Variants in POLN observed in about 807,000 individuals in gnomAD.
POLN encodes the protein DNA polymerase nu.
POLN carries 108 observed loss-of-function variants against 113.5 expected under a neutral mutation model. The ratio of observed to expected loss-of-function variants is 0.95; its 90% CI spans 0.81 to 1.12. The LOEUF is 1.12. Among genes scored for constraint, POLN ranks in the 50% most tolerant of loss-of-function variants. POLN has a pLI of 0.00. For missense variants in POLN, 1,097 were observed against 1,077.1 expected, an observed-to-expected ratio of 1.02 and a Z score of -0.26; for synonymous variants, 386 against 391.5, an observed-to-expected ratio of 0.99 and a Z score of 0.17.
At chr4:2,113,782 C>T (rs1731253172) in intron 19 of POLN, among the ~76,000 whole-genome samples, 1 of 151,470 alleles carries the variant, frequency 6.6e-6, no homozygotes. Flanking sequence ...TGCTTGAACC[C>T]AGGAGGCGGA....
At chr4:2,114,047 A>G (rs2108713854) in intron 19 of POLN, among the ~76,000 whole-genome samples, 2 of 151,480 alleles carry the variant, frequency 1.3e-5, no homozygotes, top group Admixed American at 1.3e-4. Context: ...CTATAGGCAC[A>G]CACGTCATGC....
intron 10 of POLN, 41 bp downstream of exon 10, chr4:2,174,650 C>G: frequency 6.6e-7 from 1 of 1,505,254 alleles, no homozygotes; most frequent in African/African-American, 1.4e-5. Flanking sequence ...ATGAAGAACC[C>G]TCTAGAAAAA....
chr4:2,112,750 G>A (rs1371593895), intron 19 of POLN, among the ~76,000 whole-genome samples: 1 of 152,192 alleles, frequency 6.6e-6, no homozygotes, highest in Non-Finnish European at 1.5e-5. Flanking sequence ...GTGCTGGAGA[G>A]GATGTGGAGC....
At chr4:2,214,418 C>T (rs1395391124) in intron 3 of POLN, among the ~76,000 whole-genome samples, 1 of 152,002 alleles carries the variant, frequency 6.6e-6, no homozygotes, top group African/African-American at 2.4e-5. Flanking sequence ...AAAATAAATG[C>T]ATTGGGAAAA....
intron 5 of POLN, among the ~76,000 whole-genome samples, chr4:2,199,440 A>G (rs1005689309): frequency 6.6e-5 from 10 of 152,190 alleles, no homozygotes; most frequent in Non-Finnish European, 1.2e-4. Flanking sequence ...AAATACATCA[A>G]CATCATTTGC....
intron 3 of POLN, among the ~76,000 whole-genome samples, chr4:2,219,905 A>G (rs1190090829): frequency 6.6e-6 from 1 of 152,114 alleles, no homozygotes; most frequent in East Asian, 1.9e-4. Flanking sequence ...GTGTCTCTGA[A>G]GTGATCCCGC....
chr4:2,216,997 C>T (rs1734128020), intron 3 of POLN, among the ~76,000 whole-genome samples: 1 of 152,152 alleles, frequency 6.6e-6, no homozygotes, highest in African/African-American at 2.4e-5. Context: ...GTCAACTGGC[C>T]AAGTCATCCT....
At position 2,210,792 on chromosome 4, in the gene POLN, G is replaced by T. The variant is rs369714072; in HGVS notation, c.213+2255C>A. ...AAAAATTAGCCGGGCATGATGGCATGCACCTGTAACCCCAGCTGCTTGGGA... is the reference window on the plus strand; with the variant it reads ...AAAAATTAGCCGGGCATGATGGCATTCACCTGTAACCCCAGCTGCTTGGGA... On this transcript the variant is annotated intron_variant, in intron 4 of 25. Coordinates refer to ENST00000511885, the MANE Select transcript of POLN (RefSeq NM_181808.4). 3.7e-4 allele frequency among the ~76,000 whole-genome samples: 55 copies of T among 149,574 alleles called. No homozygotes were observed. In the South Asian group the frequency reaches 0.011, roughly 29 times the overall value.
At chr4:2,179,137 T>TA (rs1402280425) in intron 8 of POLN, among the ~76,000 whole-genome samples, 171 bp downstream of exon 8, 1 of 152,214 alleles carries the variant, frequency 6.6e-6, no homozygotes, top group Non-Finnish European at 1.5e-5. Flanking sequence ...CACCTATCCT[T>TA]ATTCAACATC....
At chr4:2,146,824 G>A (rs527405315) in intron 16 of POLN, among the ~76,000 whole-genome samples, 4 of 152,270 alleles carry the variant, frequency 2.6e-5, no homozygotes, top group East Asian at 1.9e-4. Context: ...GAAGGCAGGC[G>A]AAAGCATGAG....
chr4:2,190,253 C>A (rs1051454113), intron 7 of POLN, among the ~76,000 whole-genome samples: 17 of 152,216 alleles, frequency 1.1e-4, no homozygotes, highest in Middle Eastern at 3.4e-3. Context: ...AGAAATAAAT[C>A]AACACATTTA....
In POLN at chr4:2,081,014, C is replaced by G. The variant is rs768468720; in HGVS notation, c.2331G>C (p.Lys777Asn). The G allele has an allele frequency of 1.9e-6, 3 of 1,613,868 alleles. No individual in the cohort carries two copies. Among genetic ancestry groups the G allele is most frequent in the East Asian group, 4.5e-5 (2 of 44,884 alleles). Residue 777 changes from lysine (K) to asparagine (N), a missense_variant, in exon 23 of 26, where the codon AAG becomes AAC. By Grantham distance (94) the Lys-to-Asn change is moderately conservative. Coordinates refer to ENST00000511885, the MANE Select transcript of POLN (RefSeq NM_181808.4). ...VVQGSAADLC[K>N]LAMIHVFTAV... ...CAGTGAAGACATGGATCATGGCCAG[C>G]TTGCAGAGGTCAGCAGCGGAGCCTA...
At chr4:2,200,625 C>A (rs1003920288) in intron 5 of POLN, among the ~76,000 whole-genome samples, 17 of 152,276 alleles carry the variant, frequency 1.1e-4, no homozygotes, top group African/African-American at 3.4e-4. Flanking sequence ...ACAATCATTA[C>A]AGCTCAGCTC....
intron 24 of POLN, among the ~76,000 whole-genome samples, 194 bp downstream of exon 24, chr4:2,075,258 G>T (rs1730248544): frequency 1.3e-5 from 2 of 152,232 alleles, no homozygotes; most frequent in Non-Finnish European, 2.9e-5. Context: ...GCCCACTTGG[G>T]CCTTTCAAGG....
At chr4:2,117,852 G>C (rs1731354139) in intron 19 of POLN, among the ~76,000 whole-genome samples, 1 of 152,164 alleles carries the variant, frequency 6.6e-6, no homozygotes, top group Non-Finnish European at 1.5e-5. Context: ...ACATGTAAGA[G>C]AGCAGTGAAG....
At chr4:2,155,754 C>A (rs958958011) in intron 16 of POLN, among the ~76,000 whole-genome samples, 3 of 151,608 alleles carry the variant, frequency 2.0e-5, no homozygotes, top group Non-Finnish European at 4.4e-5. Context: ...AGATTCAAAT[C>A]AATATTAATG....
intron 7 of POLN, among the ~76,000 whole-genome samples, chr4:2,179,672 C>G (rs1733085958): frequency 6.6e-6 from 1 of 152,124 alleles, no homozygotes; most frequent in South Asian, 2.1e-4. Flanking sequence ...CCCACATGGC[C>G]CGTCTCTGTG....
At position 2,093,813 on chromosome 4, in the gene POLN, A is replaced by G. The variant is rs781264700; in HGVS notation, c.2065+2038T>C. 8.2e-4 allele frequency among the ~76,000 whole-genome samples: 125 copies of G among 152,284 alleles called. 1 individual carries two copies. Among genetic ancestry groups the G allele is most frequent in the Admixed American group, 9.8e-4 (15 of 15,304 alleles). On this transcript the variant is annotated intron_variant, in intron 20 of 25. Transcript: ENST00000511885. The surrounding 1 kb of genome is among the most constrained non-coding windows in gnomAD (Gnocchi z 4.1). ...TCTTTAAAACAAAGTTTCTTAGTCT[A>G]TTTTCCAAAAACCATGTATACAATC... is the stretch of plus-strand genomic sequence containing the variant.
chr4:2,086,644 T>A (rs1377789268), intron 20 of POLN, among the ~76,000 whole-genome samples: 1 of 152,152 alleles, frequency 6.6e-6, no homozygotes, highest in Non-Finnish European at 1.5e-5. Flanking sequence ...GAATGAGGAA[T>A]CCATGAGAAC....
Sources: gnomAD v4.1 joint callset for allele counts (sites outside exome capture counted in the v4.1 genomes callset) on GRCh38, gnomAD v4.1.1 for gene constraint, Gnocchi (gnomAD v3.1) non-coding constraint, MANE v1.5 for transcripts, NCBI Gene and HGNC (gene_info 2026-07-23, HGNC 2026-07-21) for gene names.